SGCZ: variants seen among roughly 807,000 people sequenced by gnomAD.
SGCZ encodes sarcoglycan zeta.
A neutral mutation model predicts 41.3 loss-of-function variants in SGCZ; 40 were observed. That is an observed-to-expected ratio of 0.97 (90% CI 0.75 to 1.26). The LOEUF is 1.26. SGCZ is among the 50% of genes most tolerant of loss of function. The pLI is 0.00. For missense variants in SGCZ, 552 were observed against 369.8 expected, an observed-to-expected ratio of 1.49 and a Z score of -4.04; for synonymous variants, 206 against 137.5, an observed-to-expected ratio of 1.50 and a Z score of -3.49.
intron 1 of SGCZ, among the ~76,000 whole-genome samples, chr8:14,566,182 A>C (rs1376143653): frequency 6.6e-6 from 1 of 152,252 alleles, no homozygotes; most frequent in Non-Finnish European, 1.5e-5. Context: ...TTATATGCTG[A>C]CTATTTAGAT....
chr8:14,895,040 A>G (rs565003890), intron 1 of SGCZ, among the ~76,000 whole-genome samples: 34 of 152,338 alleles, frequency 2.2e-4, no homozygotes, highest in Non-Finnish European at 4.4e-4. Context: ...ACTTTACTTC[A>G]GTTGTATTAG....
intron 3 of SGCZ, among the ~76,000 whole-genome samples, chr8:14,304,281 A>C (rs1801283234): frequency 6.6e-6 from 1 of 151,838 alleles, no homozygotes; most frequent in African/African-American, 2.4e-5. Context: ...GTCTACACAA[A>C]AAAGTAAAGA....
intron 1 of SGCZ, among the ~76,000 whole-genome samples, chr8:14,973,500 C>G (rs895316899): frequency 5.3e-5 from 8 of 152,252 alleles, no homozygotes; most frequent in Non-Finnish European, 1.2e-4. Flanking sequence ...CCTCCCTTGT[C>G]CGTTTAACTG....
chr8:14,688,407 A>G (rs1163425492), intron 1 of SGCZ, among the ~76,000 whole-genome samples: 1 of 152,098 alleles, frequency 6.6e-6, no homozygotes, highest in Non-Finnish European at 1.5e-5. Flanking sequence ...TCAGCTTTCT[A>G]CCTATGGCTA....
intron 1 of SGCZ, among the ~76,000 whole-genome samples, chr8:14,962,258 A>T (rs1023002285): frequency 2.0e-5 from 3 of 152,110 alleles, no homozygotes; most frequent in Admixed American, 1.3e-4. Context: ...ACAACAGTTT[A>T]TATATTTTTA....
chr8:14,803,536 C>G (rs958573516), intron 1 of SGCZ, among the ~76,000 whole-genome samples: 15 of 152,158 alleles, frequency 9.9e-5, no homozygotes, highest in African/African-American at 3.4e-4. Context: ...TAAAAAACGG[C>G]GCACCACGAG....
chr8:15,067,647 A>C lies in SGCZ; in HGVS notation c.39+169938T>G, dbSNP rs148400606. ...ACTTCTTAGTGTTGTCAATTTGATA[A>C]AATAATTCCACATTATTTTCTTTGA... On this transcript the variant is annotated intron_variant, in intron 1 of 7. Coordinates refer to ENST00000382080, the MANE Select transcript of SGCZ (RefSeq NM_139167.4). Among the ~76,000 whole-genome samples the C allele has an allele frequency of 2.5e-3, 388 of 152,290 alleles. 1 individual carries two copies. Among genetic ancestry groups the C allele is most frequent in the Middle Eastern group, 6.8e-3 (2 of 294 alleles).
rs540864822 is a variant in SGCZ, at chr8:14,176,135, A to G, written c.425-11433T>C. 1.4e-4 allele frequency among the ~76,000 whole-genome samples: 22 copies of G among 152,308 alleles called. No individual in the cohort carries two copies. In the South Asian group the frequency reaches 3.1e-3, roughly 22 times the overall value. On this transcript the variant is annotated intron_variant, in intron 4 of 7. Transcript: ENST00000382080. Reference sequence around the variant, plus strand: ...AAAATGCTTTCTCAGTAGTACAAACAAAAAAGTAAATAATGAAACAAAACA... The same window carrying G: ...AAAATGCTTTCTCAGTAGTACAAACGAAAAAGTAAATAATGAAACAAAACA...
At chr8:14,438,562 A>C (rs1414490101) in intron 2 of SGCZ, among the ~76,000 whole-genome samples, 6 of 151,998 alleles carry the variant, frequency 3.9e-5, no homozygotes, top group African/African-American at 1.4e-4. Context: ...ACCATGAAAA[A>C]GCATAAAAAG....
At chr8:14,094,845 G>T (rs1292736389) in intron 7 of SGCZ, among the ~76,000 whole-genome samples, 3 of 152,078 alleles carry the variant, frequency 2.0e-5, no homozygotes, top group Non-Finnish European at 2.9e-5. Flanking sequence ...GCGTGAGATG[G>T]TATCTCATTG....
chr8:14,309,530 G>A (rs1416346543), intron 3 of SGCZ: 13 of 1,609,970 alleles, frequency 8.1e-6, no homozygotes, highest in Non-Finnish European at 4.2e-6. Context: ...TACTGAATGT[G>A]AAAACAAAGA....
chr8:14,548,894 T>C (rs926310583), intron 2 of SGCZ, among the ~76,000 whole-genome samples: 3 of 152,116 alleles, frequency 2.0e-5, no homozygotes, highest in African/African-American at 7.2e-5. Flanking sequence ...GGGAATTATG[T>C]CTGATTTTGC....
intron 1 of SGCZ, among the ~76,000 whole-genome samples, chr8:14,883,142 T>C (rs936461196): frequency 2.0e-5 from 3 of 151,870 alleles, no homozygotes; most frequent in African/African-American, 4.8e-5. Context: ...TCATTTCATA[T>C]CTTACTTTAA....
At chr8:14,575,416 A>C (rs182199147) in intron 1 of SGCZ, among the ~76,000 whole-genome samples, 4 of 152,364 alleles carry the variant, frequency 2.6e-5, no homozygotes, top group Admixed American at 2.6e-4. Context: ...AAATTAAGAA[A>C]ATAGCTGTTA....
Position 15,197,885 on chromosome 8 carries a change from T to C in SGCZ, c.39+39700A>G, listed in dbSNP as rs183535749. Among the ~76,000 whole-genome samples the C allele has an allele frequency of 2.7e-4, 40 of 150,636 alleles. No individual in the cohort carries two copies. The East Asian group carries it at 5.8e-3, about 22-fold the overall frequency. Reference sequence around the variant, plus strand: ...TATATTTACATTATATGTGTATATATACACACACACACACATTCGTGTATA... The same window carrying C: ...TATATTTACATTATATGTGTATATACACACACACACACACATTCGTGTATA... On this transcript the variant is annotated intron_variant, in intron 1 of 7. Transcript: ENST00000382080.
At chr8:14,356,574 G>C (rs368045792) in intron 2 of SGCZ, among the ~76,000 whole-genome samples, 88 of 151,792 alleles carry the variant, frequency 5.8e-4, no homozygotes, top group African/African-American at 2.0e-3. Context: ...TGCTCCTGAT[G>C]ATGAGGTATA....
At chr8:14,723,915 A>G (rs1305235131) in intron 1 of SGCZ, among the ~76,000 whole-genome samples, 1 of 152,110 alleles carries the variant, frequency 6.6e-6, no homozygotes, top group Admixed American at 6.5e-5. Context: ...CCTTTATAGC[A>G]ACACACAGGT....
At chr8:14,810,721 T>A (rs1801713170) in intron 1 of SGCZ, among the ~76,000 whole-genome samples, 1 of 151,996 alleles carries the variant, frequency 6.6e-6, no homozygotes, top group Non-Finnish European at 1.5e-5. Flanking sequence ...GGCAGTAGCT[T>A]GAAATCAGCT....
At chr8:14,534,621 C>T (rs1461849) in intron 2 of SGCZ, among the ~76,000 whole-genome samples, 32,492 of 151,762 alleles carry the variant, frequency 0.21, 4,113 homozygotes, top group East Asian at 0.38. Context: ...AGCTAATTAC[C>T]GCACAGGAGG....
Sources: gnomAD v4.1 joint callset for allele counts (sites outside exome capture counted in the v4.1 genomes callset) on GRCh38, gnomAD v4.1.1 for gene constraint, MANE v1.5 for transcripts, NCBI Gene and HGNC (gene_info 2026-07-23, HGNC 2026-07-21) for gene names.